The following PTPRG variants were observed in gnomAD, a reference collection of about 807,000 sequenced individuals.
PTPRG encodes receptor-type tyrosine-protein phosphatase gamma.
A neutral mutation model predicts 165.3 loss-of-function variants in PTPRG; 102 were observed. The observed-to-expected ratio is 0.62, with a 90% confidence interval of 0.53 to 0.73. The LOEUF (loss-of-function observed/expected upper bound fraction) is 0.73, where lower values mean the gene tolerates loss of function less well. PTPRG is among the 30% of genes least tolerant of loss of function. The probability of loss-of-function intolerance (pLI) is 0.00; values close to 1 mark genes in which losing one functional copy is unlikely to be tolerated. For missense variants in PTPRG, 1,866 were observed against 1,861.4 expected, an observed-to-expected ratio of 1.00 and a Z score of -0.05; for synonymous variants, 675 against 669.5, an observed-to-expected ratio of 1.01 and a Z score of -0.13.
intron 2 of PTPRG, among the ~76,000 whole-genome samples, chr3:61,960,774 C>G (rs1287800752): frequency 6.6e-6 from 1 of 152,114 alleles, no homozygotes; most frequent in African/African-American, 2.4e-5. Flanking sequence ...TATAATGGGT[C>G]TTGGGGAGTA....
chr3:61,717,367 A>C (rs1357043368), intron 1 of PTPRG, among the ~76,000 whole-genome samples: 1 of 152,070 alleles, frequency 6.6e-6, no homozygotes, highest in Non-Finnish European at 1.5e-5. Context: ...TTTTATAGCC[A>C]AAGGCAATAG....
intron 1 of PTPRG, among the ~76,000 whole-genome samples, chr3:61,567,970 A>AC: frequency 6.6e-6 from 1 of 151,624 alleles, no homozygotes; most frequent in South Asian, 2.1e-4. Context: ...TGCCTCAAAA[A>AC]AAAAAAAAAA....
intron 10 of PTPRG, among the ~76,000 whole-genome samples, chr3:62,199,962 A>C (rs923164331): frequency 2.0e-5 from 3 of 152,250 alleles, no homozygotes. Context: ...AGGTGGATGA[A>C]GCTTGAGGAC....
At chr3:61,722,968 G>A (rs575828172) in intron 1 of PTPRG, among the ~76,000 whole-genome samples, 1 of 152,090 alleles carries the variant, frequency 6.6e-6, no homozygotes, top group Non-Finnish European at 1.5e-5. Flanking sequence ...TTTGTCGAGT[G>A]GGTTTCTCGG....
At chr3:61,931,938 T>G (rs1353696847) in intron 2 of PTPRG, among the ~76,000 whole-genome samples, 4 of 152,242 alleles carry the variant, frequency 2.6e-5, no homozygotes, top group Non-Finnish European at 5.9e-5. Context: ...GTTGAAACAT[T>G]GCTCTTCTAT....
intron 2 of PTPRG, among the ~76,000 whole-genome samples, chr3:61,841,577 C>T (rs1206952076): frequency 2.6e-5 from 4 of 152,144 alleles, no homozygotes; most frequent in Admixed American, 6.5e-5. Context: ...TAGCCCTCGT[C>T]CACCACCACC....
intron 2 of PTPRG, among the ~76,000 whole-genome samples, chr3:61,982,092 C>T (rs1379652377): frequency 6.6e-6 from 1 of 151,992 alleles, no homozygotes; most frequent in Non-Finnish European, 1.5e-5. Flanking sequence ...TCTATTATGT[C>T]TCGATGGAAA....
Position 62,295,950 on chromosome 3 carries a change from G to C in PTPRG, c.*2643G>C, listed in dbSNP as rs1703046616. ...GTACATAACAAGGTTATTAACACTTGCACTCAGGGGAAAGGAAATAGCTAT... is the reference window on the plus strand; with the variant it reads ...GTACATAACAAGGTTATTAACACTTCCACTCAGGGGAAAGGAAATAGCTAT... On this transcript the variant is annotated 3_prime_UTR_variant, in exon 30 of 30. Coordinates refer to ENST00000474889, the MANE Select transcript of PTPRG (RefSeq NM_002841.4). 2.6e-5 allele frequency: 4 copies of C among 152,052 alleles called. No homozygotes were observed. The South Asian group carries it at 8.3e-4, about 31-fold the overall frequency. 9.4% of individuals were successfully genotyped at this position (152,052 alleles called of 1,614,324 possible). A position where few individuals can be genotyped will look rare whatever the true frequency, so the allele number is the denominator to read the frequency against.
rs760184818 is a variant in PTPRG, at chr3:61,989,631, A to G, written c.197A>G (p.Tyr66Cys). 10 of 1,613,082 alleles carry G rather than the reference A, an allele frequency of 6.2e-6. No homozygotes were observed. In the Admixed American group the frequency reaches 8.4e-5, roughly 13 times the overall value. The part of the protein sequence containing the change: ...GDPYWAYSGA[Y>C]GPEHWVTSSV... ...TGTTGTCTTCTTTCAACAGGTGCCT[A>G]TGGTCCTGAGCACTGGGTCACGTCT... Residue 66 changes from tyrosine to cysteine, a missense_variant, in exon 3 of 30, where the codon TAT (tyrosine) becomes TGT (cysteine). Transcript: ENST00000474889.
At chr3:61,701,181 G>A (rs1420954380) in intron 1 of PTPRG, among the ~76,000 whole-genome samples, 1 of 152,168 alleles carries the variant, frequency 6.6e-6, no homozygotes, top group East Asian at 1.9e-4. Flanking sequence ...GCTTTTTCCT[G>A]TGGTGATTAA....
At chr3:62,090,794 C>A (rs1016412677) in intron 5 of PTPRG, among the ~76,000 whole-genome samples, 1 of 152,128 alleles carries the variant, frequency 6.6e-6, no homozygotes, top group Non-Finnish European at 1.5e-5. Context: ...GATTCTAGAA[C>A]CTTCCCCAGA....
chr3:62,112,145 C>T (rs531138232), intron 5 of PTPRG, among the ~76,000 whole-genome samples: 1 of 151,848 alleles, frequency 6.6e-6, no homozygotes, highest in Non-Finnish European at 1.5e-5. Context: ...CTGTCGCCCA[C>T]GCTGGAGTGC....
intron 2 of PTPRG, among the ~76,000 whole-genome samples, chr3:61,833,116 G>A (rs1368728214): frequency 2.1e-5 from 3 of 144,492 alleles, no homozygotes; most frequent in Admixed American, 6.8e-5. Context: ...CTTTATCCAC[G>A]TGTTGATTTA....
At chr3:62,238,123 G>A (rs961048764) in intron 14 of PTPRG, among the ~76,000 whole-genome samples, 8 of 152,266 alleles carry the variant, frequency 5.3e-5, no homozygotes, top group African/African-American at 1.9e-4. Context: ...ACGCTCATTC[G>A]GTGAGGCAAA....
chr3:62,090,072 G>A (rs559553192), intron 5 of PTPRG, among the ~76,000 whole-genome samples: 2 of 152,172 alleles, frequency 1.3e-5, no homozygotes, highest in Non-Finnish European at 2.9e-5. Flanking sequence ...TGGATTTGGT[G>A]AGAGATACTT....
At chr3:61,987,610 G>C (rs553129814) in intron 2 of PTPRG, among the ~76,000 whole-genome samples, 113 of 152,100 alleles carry the variant, frequency 7.4e-4, no homozygotes, top group Non-Finnish European at 1.4e-3. Flanking sequence ...TGTACTGTAA[G>C]TTTCTAGAAG....
intron 13 of PTPRG, among the ~76,000 whole-genome samples, chr3:62,230,756 A>G (rs1700884362): frequency 6.6e-6 from 1 of 152,246 alleles, no homozygotes; most frequent in Non-Finnish European, 1.5e-5. Flanking sequence ...AGCATGGGGT[A>G]AAAGACAAAA....
At chr3:61,751,806 C>A (rs529768070) in intron 2 of PTPRG, among the ~76,000 whole-genome samples, 3 of 151,838 alleles carry the variant, frequency 2.0e-5, no homozygotes, top group African/African-American at 7.3e-5. Context: ...CTGGCTAACA[C>A]GGTGAAATCC....
chr3:61,935,953 TGGATGGTG>T (rs2039474529), intron 2 of PTPRG, among the ~76,000 whole-genome samples: 1 of 152,142 alleles, frequency 6.6e-6, no homozygotes, highest in Non-Finnish European at 1.5e-5. Flanking sequence ...GGTGTGGCCT[TGGATGGTG>T]ATGAGGTCAT....
Sources: allele counts gnomAD v4.1 joint callset (sites outside exome capture counted in the v4.1 genomes callset), GRCh38; gene constraint gnomAD v4.1.1; transcripts MANE v1.5; gene names NCBI Gene and HGNC (gene_info 2026-07-23, HGNC 2026-07-21).